NEGR1: variants seen among roughly 807,000 people sequenced by gnomAD.
NEGR1 encodes the protein IgLON family member 4.
A neutral mutation model predicts 40.9 loss-of-function variants in NEGR1; 10 were observed. The observed-to-expected ratio is 0.24, with a 90% CI of 0.15 to 0.42. NEGR1 has a LOEUF of 0.42. Among genes scored for constraint, NEGR1 ranks in the 10% least tolerant of loss-of-function variants. The pLI, the probability that NEGR1 is intolerant of heterozygous loss-of-function variation, is 1.00. For synonymous variants in NEGR1, 185 were observed against 166.8 expected (o/e 1.11, Z -0.84); for missense variants, 352 against 438.9 (o/e 0.80, Z 1.77).
chr1:71,718,559 G>A (rs1654351552), intron 3 of NEGR1, among the ~76,000 whole-genome samples: 1 of 152,086 alleles, frequency 6.6e-6, no homozygotes, highest in African/African-American at 2.4e-5. Flanking sequence ...GACATTTAAA[G>A]TACTTGAAAT....
intron 6 of NEGR1, among the ~76,000 whole-genome samples, chr1:71,531,997 T>C (rs1485247977): frequency 6.6e-6 from 1 of 151,408 alleles, no homozygotes; most frequent in Non-Finnish European, 1.5e-5. Context: ...ATTTCTGGAA[T>C]GAGAGGAGAA....
At chr1:71,587,855 G>C (rs1338666641) in intron 6 of NEGR1, among the ~76,000 whole-genome samples, 1 of 152,074 alleles carries the variant, frequency 6.6e-6, no homozygotes, top group Non-Finnish European at 1.5e-5. Context: ...CATCAATAGT[G>C]AGACTCAATT....
chr1:71,431,055 C>CT (rs565252443), intron 6 of NEGR1, among the ~76,000 whole-genome samples: 99 of 141,156 alleles, frequency 7.0e-4, no homozygotes, highest in Middle Eastern at 3.7e-3. Context: ...CCAAAAAAGA[C>CT]TTTTTTTTTT....
chr1:72,090,967 T>C (rs1205519935), intron 1 of NEGR1, among the ~76,000 whole-genome samples: 1 of 152,232 alleles, frequency 6.6e-6, no homozygotes, highest in African/African-American at 2.4e-5. Flanking sequence ...GCTTGCAGTG[T>C]ACATGCAGAT....
intron 1 of NEGR1, among the ~76,000 whole-genome samples, chr1:72,188,532 C>G (rs1260383752): frequency 1.3e-5 from 2 of 151,472 alleles, no homozygotes; most frequent in African/African-American, 4.8e-5. Flanking sequence ...AAAATCAACA[C>G]TGACTTCTGT....
At chr1:72,111,065 TACATAC>T (rs139978462) in intron 1 of NEGR1, among the ~76,000 whole-genome samples, 1 of 137,084 alleles carries the variant, frequency 7.3e-6, no homozygotes, top group African/African-American at 2.7e-5. Context: ...TTTAGATATA[TACATAC>T]ACATATATAT....
chr1:72,231,262 A>G (rs1378263465), intron 1 of NEGR1, among the ~76,000 whole-genome samples: 2 of 152,084 alleles, frequency 1.3e-5, no homozygotes, highest in East Asian at 1.9e-4. Flanking sequence ...GTCTTTTTTC[A>G]TTCTGTGAAA....
chr1:71,988,923 T>TAGAAAAAAAAAAAAAAAAAA (rs1646426575), intron 1 of NEGR1, among the ~76,000 whole-genome samples: 1 of 82,258 alleles, frequency 1.2e-5, no homozygotes, highest in African/African-American at 5.7e-5. Context: ...TATTGGATGT[T>TAGAAAAAAAAAAAAAAAAAA]AAAAAAAAAA....
At chr1:72,105,234 A>T (rs909944456) in intron 1 of NEGR1, among the ~76,000 whole-genome samples, 1 of 152,102 alleles carries the variant, frequency 6.6e-6, no homozygotes, top group African/African-American at 2.4e-5. Context: ...AAACCCTTCA[A>T]CTAATCCACT....
At chr1:71,994,328 A>C (rs1293313221) in intron 1 of NEGR1, among the ~76,000 whole-genome samples, 1 of 152,060 alleles carries the variant, frequency 6.6e-6, no homozygotes. Flanking sequence ...GGCAATGGAA[A>C]CCATCCTGGC....
At chr1:71,609,553 A>G (rs1233910777) in intron 5 of NEGR1, among the ~76,000 whole-genome samples, 2 of 143,480 alleles carry the variant, frequency 1.4e-5, no homozygotes, top group African/African-American at 5.2e-5. Flanking sequence ...AAAAAAAAAA[A>G]AAAGAAATGA....
chr1:71,908,079 C>T (rs562567272), intron 2 of NEGR1, among the ~76,000 whole-genome samples: 2 of 152,156 alleles, frequency 1.3e-5, no homozygotes, highest in African/African-American at 4.8e-5. Context: ...CTGACAAGAT[C>T]GCTCATATCC....
rs182390797 is a variant in NEGR1 at position 72,031,794 on chromosome 1, G to C, written c.177-96483C>G. Among the ~76,000 whole-genome samples, 8 of 152,248 alleles carry C rather than the reference G, an allele frequency of 5.3e-5. No individual in the cohort carries two copies. The East Asian group carries it at 7.7e-4, about 15-fold the overall frequency. On this transcript the variant is annotated intron_variant, in intron 1 of 6. Transcript: ENST00000357731. ...GCAGAAAGGGTCTGAAGGGAGGAAGGTTTGAGCCTAAAATAAGGGGCATTC... is the reference window on the plus strand; with the variant it reads ...GCAGAAAGGGTCTGAAGGGAGGAAGCTTTGAGCCTAAAATAAGGGGCATTC...
intron 1 of NEGR1, among the ~76,000 whole-genome samples, chr1:72,130,602 G>A (rs1030375300): frequency 2.0e-5 from 3 of 152,002 alleles, no homozygotes; most frequent in African/African-American, 7.3e-5. Flanking sequence ...AAACTCCCTC[G>A]CTACTGCTTT....
intron 3 of NEGR1, among the ~76,000 whole-genome samples, chr1:71,740,026 G>A (rs1655166154): frequency 6.6e-6 from 1 of 152,074 alleles, no homozygotes; most frequent in Admixed American, 6.6e-5. Flanking sequence ...TTATTAACAA[G>A]TTCAAATTCT....
intron 1 of NEGR1, among the ~76,000 whole-genome samples, chr1:72,245,603 A>G (rs1485808782): frequency 6.6e-6 from 1 of 152,172 alleles, no homozygotes; most frequent in Non-Finnish European, 1.5e-5. Flanking sequence ...ATATAGAAGA[A>G]TAATATTTTT....
chr1:72,268,045 A>T (rs1332030791), intron 1 of NEGR1, among the ~76,000 whole-genome samples: 3 of 151,398 alleles, frequency 2.0e-5, no homozygotes, highest in Non-Finnish European at 3.0e-5. Context: ...ATGTCTTCAG[A>T]CATACTCTAC....
intron 6 of NEGR1, among the ~76,000 whole-genome samples, chr1:71,565,169 C>G (rs79545249): frequency 6.6e-6 from 1 of 152,114 alleles, no homozygotes; most frequent in Admixed American, 6.6e-5. Context: ...CCATGCTTCC[C>G]CAGCTTCAAG....
At chr1:72,050,111 T>C (rs1424351315) in intron 1 of NEGR1, among the ~76,000 whole-genome samples, 4 of 151,586 alleles carry the variant, frequency 2.6e-5, no homozygotes. Context: ...AAGAAATCTT[T>C]ATATTGTAAA....
Sources: allele counts gnomAD v4.1 joint callset (sites outside exome capture counted in the v4.1 genomes callset), GRCh38; gene constraint gnomAD v4.1.1; transcripts MANE v1.5; gene names NCBI Gene and HGNC (gene_info 2026-07-23, HGNC 2026-07-21).